NDFIP2: variants seen among roughly 807,000 people sequenced by gnomAD.
NDFIP2 encodes the protein NEDD4 family-interacting protein 2.
A neutral mutation model predicts 36.0 loss-of-function variants in NDFIP2; 19 were observed. That is an observed-to-expected ratio of 0.53 (90% confidence interval 0.37 to 0.77). The LOEUF (loss-of-function observed/expected upper bound fraction) is 0.77, where lower values mean the gene tolerates loss of function less well. Ranked by LOEUF, NDFIP2 falls within the 30% of genes least tolerant of loss-of-function variation. The pLI, the probability that NDFIP2 is intolerant of heterozygous loss-of-function variation, is 0.00. For missense variants in NDFIP2, 446 were observed against 435.8 expected (o/e 1.02, Z -0.21); for synonymous variants, 181 against 167.7 (o/e 1.08, Z -0.61).
At chr13:79,518,575 C>A (rs539823485) in intron 1 of NDFIP2, among the ~76,000 whole-genome samples, 1 of 152,236 alleles carries the variant, frequency 6.6e-6, no homozygotes, top group African/African-American at 2.4e-5. Flanking sequence ...CATAATTTCT[C>A]TTTAAGGTGA....
chr13:79,510,736 A>T (rs116320688), intron 1 of NDFIP2, among the ~76,000 whole-genome samples: 307 of 152,100 alleles, frequency 2.0e-3, no homozygotes, highest in African/African-American at 7.0e-3. Context: ...CATGCTTGTA[A>T]GCTTGCAATC....
rs928527790 is a variant in NDFIP2 at position 79,532,321 on chromosome 13, A to G, written c.488-1002A>G. ...GCACAAAAGCAAAGTGTATAAAACC[A>G]GGTATGCTTATATAAAACTACTGTT... On this transcript the variant is annotated intron_variant, in intron 2 of 7. Transcript: ENST00000218652. Among the ~76,000 whole-genome samples, 7 of 152,242 alleles carry G rather than the reference A, an allele frequency of 4.6e-5. No homozygotes were observed. In the East Asian group the frequency reaches 1.3e-3, roughly 29 times the overall value.
rs909901589 is a variant in NDFIP2, at chr13:79,493,520, G to T, written c.321+11996G>T. Among the ~76,000 whole-genome samples the T allele has an allele frequency of 2.6e-5, 4 of 152,120 alleles. No individual in the cohort carries two copies. The South Asian group carries it at 8.3e-4, about 32-fold the overall frequency. ...CCCATGGAAAAGAGAAAAGGAAATT[G>T]TTTCCAGATATTGTGGAAATAGGGG... On this transcript the variant is annotated intron_variant, in intron 1 of 7. Transcript: ENST00000218652.
In NDFIP2 at chr13:79,554,022, A is replaced by G. The variant is rs1370378935; in HGVS notation, c.*1509A>G. The G allele has an allele frequency of 1.3e-5, 2 of 151,674 alleles. No homozygotes were observed. Among genetic ancestry groups the G allele is most frequent in the East Asian group, 3.8e-4 (2 of 5,200 alleles). The allele number at this position is 151,674 out of a possible 1,614,324, so 9.4% of individuals were successfully genotyped here. ...CAAAAAATAAAATTTATTATGCTTT[A>G]TAACCTCTTCTGTATTTTCTAATTT... On this transcript the variant is annotated 3_prime_UTR_variant, in exon 8 of 8. Coordinates refer to ENST00000218652, the MANE Select transcript of NDFIP2 (RefSeq NM_019080.3).
chr13:79,497,793 GGGGTGTGTGTGTGTGTGTGTGTGTGT>G (rs1253509599), intron 1 of NDFIP2, among the ~76,000 whole-genome samples: 3 of 92,866 alleles, frequency 3.2e-5, no homozygotes, highest in Non-Finnish European at 7.3e-5. Context: ...TTATCTGTGG[GGGGTGTGTGTGTGTGTGTGTGTGTGT>G]GTGTGTGTGT....
chr13:79,526,307 A>T (rs553741544), intron 2 of NDFIP2, among the ~76,000 whole-genome samples: 1 of 152,314 alleles, frequency 6.6e-6, no homozygotes, highest in East Asian at 1.9e-4. Context: ...ACTAAAGAGG[A>T]TATATCAAAT....
At chr13:79,535,944 T>C (rs1314683483) in intron 3 of NDFIP2, among the ~76,000 whole-genome samples, 1 of 152,224 alleles carries the variant, frequency 6.6e-6, no homozygotes, top group African/African-American at 2.4e-5. Context: ...CTCATCAAAT[T>C]AGCATTTGAG....
intron 1 of NDFIP2, among the ~76,000 whole-genome samples, chr13:79,482,469 T>TA (rs2140725355): frequency 6.6e-6 from 1 of 152,312 alleles, no homozygotes; most frequent in African/African-American, 2.4e-5. Context: ...CTGTTGCAGC[T>TA]AGGTAGCATG....
At chr13:79,527,915 C>T (rs1432244166) in intron 2 of NDFIP2, among the ~76,000 whole-genome samples, 4 of 152,060 alleles carry the variant, frequency 2.6e-5, no homozygotes, top group African/African-American at 7.2e-5. Flanking sequence ...ATGATATTGA[C>T]GATCCTGACC....
intron 1 of NDFIP2, among the ~76,000 whole-genome samples, chr13:79,489,367 G>C (rs571251030): frequency 1.3e-5 from 2 of 152,310 alleles, no homozygotes; most frequent in South Asian, 2.1e-4. Context: ...AGAAGGAAGA[G>C]GAAGCTGCCA....
chr13:79,498,698 G>C (rs544692003), intron 1 of NDFIP2, among the ~76,000 whole-genome samples: 2 of 151,998 alleles, frequency 1.3e-5, no homozygotes, highest in Admixed American at 1.3e-4. Context: ...CTCCTGCCCT[G>C]ATTACATTAA....
At chr13:79,546,525 A>G (rs1212339444) in intron 5 of NDFIP2, among the ~76,000 whole-genome samples, 1 of 152,162 alleles carries the variant, frequency 6.6e-6, no homozygotes, top group Non-Finnish European at 1.5e-5. Flanking sequence ...TGGCCAATCA[A>G]CATGATTGGT....
intron 1 of NDFIP2, among the ~76,000 whole-genome samples, chr13:79,504,296 A>G (rs578181016): frequency 3.0e-4 from 46 of 152,166 alleles, no homozygotes; most frequent in Non-Finnish European, 5.1e-4. Flanking sequence ...AGTTTCCCCA[A>G]ATAATATTTT....
intron 6 of NDFIP2, among the ~76,000 whole-genome samples, 193 bp from the exon 7 acceptor site, chr13:79,550,824 C>T (rs1029824458): frequency 6.6e-6 from 1 of 151,410 alleles, no homozygotes; most frequent in South Asian, 2.1e-4. Context: ...CTAGGCTTAA[C>T]AAATTGAAAA....
intron 1 of NDFIP2, among the ~76,000 whole-genome samples, chr13:79,509,704 G>GAGAGAC (rs1378481930): frequency 4.0e-5 from 6 of 151,778 alleles, no homozygotes; most frequent in Admixed American, 1.3e-4. Flanking sequence ...GAGAGAGAGA[G>GAGAGAC]AGAAGTTTAT....
At chr13:79,497,826 G>GTGTGTA (rs2140740740) in intron 1 of NDFIP2, among the ~76,000 whole-genome samples, 1 of 150,008 alleles carries the variant, frequency 6.7e-6, no homozygotes, top group Non-Finnish European at 1.5e-5. Flanking sequence ...GTGTGTGTGT[G>GTGTGTA]TGTATGTGTG....
Position 79,554,509 on chromosome 13 carries a change from C to T in NDFIP2, c.*1996C>T, listed in dbSNP as rs1459774445. 6.6e-6 allele frequency: 1 copy of T among 151,772 alleles called. No homozygotes were observed. The highest frequency in any genetic ancestry group is 1.5e-5 in the Non-Finnish European group (1 of 67,762). 9.4% of individuals were successfully genotyped at this position (151,772 alleles called of 1,614,324 possible). On this transcript the variant is annotated 3_prime_UTR_variant, in exon 8 of 8. Coordinates refer to ENST00000218652, the MANE Select transcript of NDFIP2 (RefSeq NM_019080.3). ...ATACATGTTACTTTTGATCCAGCAT[C>T]AAAACTTCACTTTTTGTTTTGACTT...
intron 2 of NDFIP2, among the ~76,000 whole-genome samples, chr13:79,525,910 TTAAGC>T (rs1159368168): frequency 6.6e-6 from 1 of 152,230 alleles, no homozygotes; most frequent in Non-Finnish European, 1.5e-5. Context: ...TTATATGTCT[TTAAGC>T]TAGGCCATCT....
At chr13:79,515,936 T>G (rs1484504987) in intron 1 of NDFIP2, among the ~76,000 whole-genome samples, 24 of 124,098 alleles carry the variant, frequency 1.9e-4, no homozygotes, top group East Asian at 9.6e-4. Flanking sequence ...TTTTTTTTTT[T>G]GGGTGGGGGG....
Sources: allele counts gnomAD v4.1 joint callset (sites outside exome capture counted in the v4.1 genomes callset), GRCh38; gene constraint gnomAD v4.1.1; transcripts MANE v1.5; gene names NCBI Gene and HGNC (gene_info 2026-07-23, HGNC 2026-07-21).